XYLT1: variants seen among roughly 807,000 people sequenced by gnomAD.
XYLT1 encodes the protein xylosyltransferase 1.
Under a neutral mutation model 91.3 loss-of-function variants are expected in XYLT1, and 36 were observed. That is an observed-to-expected ratio of 0.39 (90% CI 0.30 to 0.52). XYLT1 has a LOEUF of 0.52. Among genes scored for constraint, XYLT1 ranks in the 20% least tolerant of loss-of-function variants. The pLI, the probability that XYLT1 is intolerant of heterozygous loss-of-function variation, is 0.68. For missense variants in XYLT1, 1,242 were observed against 1,284.5 expected (o/e 0.97, Z 0.51); for synonymous variants, 588 against 532.0 (o/e 1.11, Z -1.45).
chr16:17,264,009 A>T (rs963980867), intron 2 of XYLT1, among the ~76,000 whole-genome samples: 1 of 152,198 alleles, frequency 6.6e-6, no homozygotes. Flanking sequence ...TTAACATGAG[A>T]TCTACCCTCT....
At chr16:17,295,659 G>A (rs933316391) in intron 2 of XYLT1, among the ~76,000 whole-genome samples, 1 of 152,144 alleles carries the variant, frequency 6.6e-6, no homozygotes, top group Non-Finnish European at 1.5e-5. Context: ...CCCGACCCAA[G>A]AGCTATAGTT....
At chr16:17,272,710 G>T (rs997344713) in intron 2 of XYLT1, among the ~76,000 whole-genome samples, 1 of 152,172 alleles carries the variant, frequency 6.6e-6, no homozygotes, top group Non-Finnish European at 1.5e-5. Context: ...CGGTCCCATG[G>T]TCTCCAGAAG....
chr16:17,458,175 A>T (rs555978539), intron 1 of XYLT1, among the ~76,000 whole-genome samples: 4 of 152,280 alleles, frequency 2.6e-5, no homozygotes, highest in African/African-American at 9.6e-5. Flanking sequence ...CTCGCTCATT[A>T]TGAAATGATT....
intron 2 of XYLT1, among the ~76,000 whole-genome samples, chr16:17,303,449 T>C (rs1040153250): frequency 1.3e-5 from 2 of 152,256 alleles, no homozygotes; most frequent in African/African-American, 4.8e-5. Flanking sequence ...CTTTAGCTGC[T>C]ATTACTGTTG....
chr16:17,268,350 A>G (rs1342407156), intron 2 of XYLT1, among the ~76,000 whole-genome samples: 1 of 152,242 alleles, frequency 6.6e-6, no homozygotes, highest in Non-Finnish European at 1.5e-5. Context: ...TTTTAAGTGA[A>G]TTAATAAACA....
intron 2 of XYLT1, among the ~76,000 whole-genome samples, chr16:17,331,819 T>C (rs1031961522): frequency 3.3e-5 from 5 of 152,204 alleles, no homozygotes; most frequent in Admixed American, 2.6e-4. Flanking sequence ...TATTATGTGC[T>C]GCCTTGACAC....
intron 1 of XYLT1, among the ~76,000 whole-genome samples, chr16:17,431,110 C>T (rs958995047): frequency 6.6e-6 from 1 of 152,170 alleles, no homozygotes; most frequent in Non-Finnish European, 1.5e-5. Context: ...GTCTCTGTGG[C>T]AGCTACTCAG....
At chr16:17,291,627 A>T (rs2034228419) in intron 2 of XYLT1, among the ~76,000 whole-genome samples, 1 of 149,730 alleles carries the variant, frequency 6.7e-6, no homozygotes, top group East Asian at 1.9e-4. Context: ...CTGAAGGTCA[A>T]ATACGGTGCT....
chr16:17,402,812 A>G (rs1482169416), intron 1 of XYLT1, among the ~76,000 whole-genome samples: 1 of 149,768 alleles, frequency 6.7e-6, no homozygotes, highest in African/African-American at 2.5e-5. Context: ...GCATGATCAC[A>G]GCTCACTGAA....
At chr16:17,284,555 A>G (rs1456319837) in intron 2 of XYLT1, among the ~76,000 whole-genome samples, 1 of 152,370 alleles carries the variant, frequency 6.6e-6, no homozygotes, top group African/African-American at 2.4e-5. Flanking sequence ...TGGGTGGCCC[A>G]ATGGTAAGAT....
intron 3 of XYLT1, chr16:17,251,468 T>C (rs909677506): frequency 2.6e-5 from 4 of 152,232 alleles, no homozygotes; most frequent in African/African-American, 9.6e-5. Flanking sequence ...CCTGGATGTC[T>C]AGACTGCAGA....
rs116730613 is a variant in XYLT1, at chr16:17,238,929, C to A, written c.913+20059G>T. Among the ~76,000 whole-genome samples, 330 of 152,324 alleles carry A rather than the reference C, an allele frequency of 2.2e-3. 1 individual carries two copies. The highest frequency in any genetic ancestry group is 7.7e-3 in the African/African-American group (321 of 41,564). ...ATATGAGGTAGGGCAGTCATCTGCT[C>A]ATTTTCTAGATGCAGTAATTTCTCC... On this transcript the variant is annotated intron_variant, in intron 3 of 11. Coordinates refer to ENST00000261381, the MANE Select transcript of XYLT1 (RefSeq NM_022166.4).
intron 1 of XYLT1, among the ~76,000 whole-genome samples, chr16:17,416,467 G>C (rs1312195777): frequency 6.6e-6 from 1 of 152,214 alleles, no homozygotes; most frequent in Non-Finnish European, 1.5e-5. Flanking sequence ...CGGGGCCTGA[G>C]ATGCGAAAGC....
In XYLT1 at chr16:17,241,397, G is replaced by A. The variant is rs563573095; in HGVS notation, c.913+17591C>T. 1.8e-4 allele frequency among the ~76,000 whole-genome samples: 27 copies of A among 152,334 alleles called. No individual in the cohort carries two copies. The South Asian group carries it at 3.9e-3, about 22-fold the overall frequency. ...CTAATAAAGTCTTGAAACAAACAGCGCTGTCAAGCCAGCATCAGGAGTAGA... is the reference window on the plus strand; with the variant it reads ...CTAATAAAGTCTTGAAACAAACAGCACTGTCAAGCCAGCATCAGGAGTAGA... On this transcript the variant is annotated intron_variant, in intron 3 of 11. Coordinates refer to ENST00000261381, the MANE Select transcript of XYLT1 (RefSeq NM_022166.4).
chr16:17,180,561 T>C (rs999522353), intron 5 of XYLT1, among the ~76,000 whole-genome samples: 4 of 152,144 alleles, frequency 2.6e-5, no homozygotes, highest in African/African-American at 9.6e-5. Context: ...AGAAAGGACA[T>C]AGGAGACGGG....
At chr16:17,298,445 C>T (rs2034347443) in intron 2 of XYLT1, among the ~76,000 whole-genome samples, 1 of 152,182 alleles carries the variant, frequency 6.6e-6, no homozygotes, top group African/African-American at 2.4e-5. Flanking sequence ...GCTCAAGGAG[C>T]TGACGTCATT....
At chr16:17,268,667 CTTT>C (rs56389780) in intron 2 of XYLT1, among the ~76,000 whole-genome samples, 2 of 138,028 alleles carry the variant, frequency 1.4e-5, no homozygotes, top group Middle Eastern at 3.7e-3. Flanking sequence ...GTGATAAATA[CTTT>C]TTTTTTTTTT....
intron 1 of XYLT1, among the ~76,000 whole-genome samples, chr16:17,413,267 G>T (rs1228680001): frequency 2.0e-5 from 3 of 152,176 alleles, no homozygotes; most frequent in Admixed American, 2.0e-4. Context: ...GCACTGAGGG[G>T]ACACTGGGCT....
chr16:17,427,054 AG>A (rs2036327720), intron 1 of XYLT1, among the ~76,000 whole-genome samples: 1 of 152,230 alleles, frequency 6.6e-6, no homozygotes, highest in Admixed American at 6.5e-5. Context: ...GCATCATGGT[AG>A]GCAGAGCCCA....
Sources: allele counts gnomAD v4.1 joint callset (sites outside exome capture counted in the v4.1 genomes callset), GRCh38; gene constraint gnomAD v4.1.1; transcripts MANE v1.5; gene names NCBI Gene and HGNC (gene_info 2026-07-23, HGNC 2026-07-21).